The following RANBP3L variants were observed in gnomAD, a reference collection of about 807,000 sequenced individuals.
RANBP3L encodes the protein ran-binding protein 3-like.
Under a neutral mutation model 67.2 loss-of-function variants are expected in RANBP3L, and 56 were observed. That is an observed-to-expected ratio of 0.83 (90% CI 0.67 to 1.04). The LOEUF (loss-of-function observed/expected upper bound fraction) is 1.04. Ranked by LOEUF, RANBP3L falls within the 50% of genes least tolerant of loss-of-function variation. RANBP3L has a pLI of 0.00. For missense variants in RANBP3L, 496 were observed against 535.5 expected, an observed-to-expected ratio of 0.93 and a Z score of 0.73; for synonymous variants, 164 against 181.4, an observed-to-expected ratio of 0.90 and a Z score of 0.77.
At chr5:36,288,638 A>T (rs568834976) in intron 1 of RANBP3L, among the ~76,000 whole-genome samples, 1 of 152,134 alleles carries the variant, frequency 6.6e-6, no homozygotes, top group African/African-American at 2.4e-5. Flanking sequence ...GCATCATGTT[A>T]TCACCATTTA....
intron 1 of RANBP3L, among the ~76,000 whole-genome samples, chr5:36,299,290 C>G (rs1421504542): frequency 6.6e-6 from 1 of 151,656 alleles, no homozygotes; most frequent in Non-Finnish European, 1.5e-5. Context: ...CATATACACA[C>G]ATATATACAC....
At chr5:36,296,102 C>T (rs1275630518) in intron 1 of RANBP3L, among the ~76,000 whole-genome samples, 1 of 152,152 alleles carries the variant, frequency 6.6e-6, no homozygotes, top group Non-Finnish European at 1.5e-5. Flanking sequence ...TTCCAGTCCT[C>T]CTCCCATGTA....
chr5:36,257,027 C>A lies in RANBP3L; in HGVS notation c.817G>T (p.Ala273Ser). 1 of 1,612,458 alleles carries A rather than the reference C, an allele frequency of 6.2e-7. No individual in the cohort carries two copies. Among genetic ancestry groups the A allele is most frequent in the Non-Finnish European group, 8.5e-7 (1 of 1,178,860 alleles). The part of the protein sequence containing the change: ...KNTSLIESAA[A>S]FSSQPSRKCL... ...TTTCGTGATGGTTGGGAAGAGAATG[C>A]AGCAGCTGATTCAATTAGGGAAGTA... Residue 273 changes from alanine to serine, a missense_variant, in exon 10 of 14, where the codon GCA becomes TCA. Coordinates refer to ENST00000296604, the MANE Select transcript of RANBP3L (RefSeq NM_145000.5).
At chr5:36,289,508 T>C (rs1561138841) in intron 1 of RANBP3L, among the ~76,000 whole-genome samples, 1 of 152,198 alleles carries the variant, frequency 6.6e-6, no homozygotes. Context: ...CTTAACAATA[T>C]TGAGCATTCC....
rs767569976 is a variant in RANBP3L at position 36,251,400 on chromosome 5, T to C, written c.1267A>G (p.Ser423Gly). Residue 423 changes from serine to glycine, a missense_variant, in exon 13 of 14, where the codon AGC becomes GGC. Coordinates refer to ENST00000296604, the MANE Select transcript of RANBP3L (RefSeq NM_145000.5). ...AATTGTTGGGCTGTTTCTGACAGGC[T>C]TTCAGCTTGATTGACATCTCTCTGC... ...NKQRDVNQAE[S>G]LSETAQQLNC... The C allele has an allele frequency of 3.2e-5, 52 of 1,613,308 alleles. No individual in the cohort carries two copies. Among genetic ancestry groups the C allele is most frequent in the Non-Finnish European group, 1.7e-6 (2 of 1,179,584 alleles).
chr5:36,267,497 G>A (rs1228270817), intron 4 of RANBP3L, among the ~76,000 whole-genome samples: 1 of 150,932 alleles, frequency 6.6e-6, no homozygotes, highest in Non-Finnish European at 1.5e-5. Flanking sequence ...GACAGAGCCA[G>A]ACTCCGTCTC....
intron 8 of RANBP3L, among the ~76,000 whole-genome samples, chr5:36,260,144 G>A (rs1244926966): frequency 2.6e-5 from 4 of 151,250 alleles, no homozygotes; most frequent in Non-Finnish European, 5.9e-5. Context: ...ACGAGGTCAG[G>A]AGATCGAGAC....
chr5:36,281,802 T>G (rs1183573439), intron 1 of RANBP3L, among the ~76,000 whole-genome samples: 1 of 152,224 alleles, frequency 6.6e-6, no homozygotes, highest in Non-Finnish European at 1.5e-5. Context: ...TAAATATTTC[T>G]TTTCAGACAC....
intron 1 of RANBP3L, among the ~76,000 whole-genome samples, chr5:36,288,874 T>C (rs955013546): frequency 1.3e-5 from 2 of 152,126 alleles, no homozygotes; most frequent in Non-Finnish European, 2.9e-5. Flanking sequence ...TTTTCAAATA[T>C]ATATTTGACA....
intron 1 of RANBP3L, among the ~76,000 whole-genome samples, chr5:36,275,619 G>A (rs190615494): frequency 1.3e-5 from 2 of 152,252 alleles, no homozygotes; most frequent in Admixed American, 6.5e-5. Context: ...TCTTGGTGTA[G>A]GGGAGGAAGA....
intron 1 of RANBP3L, 32 bp downstream of exon 1, chr5:36,301,294 G>A (rs372090735): frequency 2.0e-6 from 3 of 1,508,240 alleles, no homozygotes; most frequent in Non-Finnish European, 2.8e-6. Flanking sequence ...GAAGGTCACA[G>A]AATATGCAAC....
chr5:36,299,875 G>T (rs1262725507), intron 1 of RANBP3L, among the ~76,000 whole-genome samples: 1 of 152,124 alleles, frequency 6.6e-6, no homozygotes. Context: ...ACAAAACACT[G>T]TTTACAAAAG....
At chr5:36,285,274 T>C (rs1267066111) in intron 1 of RANBP3L, among the ~76,000 whole-genome samples, 1 of 152,240 alleles carries the variant, frequency 6.6e-6, no homozygotes, top group Non-Finnish European at 1.5e-5. Context: ...GAATAATTCT[T>C]GGCAAATCTC....
chr5:36,282,081 G>A (rs1455730148), intron 1 of RANBP3L, among the ~76,000 whole-genome samples: 1 of 152,166 alleles, frequency 6.6e-6, no homozygotes, highest in African/African-American at 2.4e-5. Flanking sequence ...CCTAGGATGT[G>A]CTTGGTCAAC....
chr5:36,283,539 T>TACACACAC (rs3086448), intron 1 of RANBP3L, among the ~76,000 whole-genome samples: 2,115 of 144,778 alleles, frequency 0.015, 37 homozygotes, highest in Admixed American at 0.037. Context: ...TATATAAAAA[T>TACACACAC]ACACACACAC....
chr5:36,260,447 A>G (rs1413655972), intron 8 of RANBP3L, among the ~76,000 whole-genome samples: 1 of 151,956 alleles, frequency 6.6e-6, no homozygotes, highest in East Asian at 1.9e-4. Flanking sequence ...CTATTAAACT[A>G]TCATTACCAA....
chr5:36,278,332 A>C (rs1405510084), intron 1 of RANBP3L, among the ~76,000 whole-genome samples: 1 of 152,072 alleles, frequency 6.6e-6, no homozygotes, highest in Non-Finnish European at 1.5e-5. Flanking sequence ...CTTGCTCCTC[A>C]AAGTGTGATC....
At chr5:36,259,817 C>T (rs1749245756) in intron 8 of RANBP3L, among the ~76,000 whole-genome samples, 1 of 152,054 alleles carries the variant, frequency 6.6e-6, no homozygotes, top group African/African-American at 2.4e-5. Context: ...GCATGGTTTT[C>T]CACAGCTTTC....
intron 1 of RANBP3L, among the ~76,000 whole-genome samples, chr5:36,272,044 G>A (rs752631715): frequency 1.3e-5 from 2 of 151,936 alleles, no homozygotes; most frequent in Non-Finnish European, 2.9e-5. Flanking sequence ...AGTTTAGATA[G>A]GCATGTGTTC....
Sources: allele counts gnomAD v4.1 joint callset (sites outside exome capture counted in the v4.1 genomes callset), GRCh38; gene constraint gnomAD v4.1.1; transcripts MANE v1.5; gene names NCBI Gene and HGNC (gene_info 2026-07-23, HGNC 2026-07-21).